PABPC4L: variants seen among roughly 807,000 people sequenced by gnomAD.
PABPC4L encodes polyadenylate-binding protein 4-like.
For missense variants in PABPC4L, 452 were observed against 451.4 expected (o/e 1.00, Z -0.01); for synonymous variants, 169 against 164.1 (o/e 1.03, Z -0.23).
the PABPC4L span, among the ~76,000 whole-genome samples, chr4:134,129,310 C>T: frequency 2.0e-5 from 3 of 151,882 alleles, no homozygotes; most frequent in African/African-American, 7.3e-5. Context: ...TAGACTATAC[C>T]CTAGAACAAA....
the PABPC4L span, among the ~76,000 whole-genome samples, chr4:134,139,341 A>G: frequency 6.6e-6 from 1 of 151,960 alleles, no homozygotes; most frequent in Non-Finnish European, 1.5e-5. Context: ...GATTCGTGAC[A>G]TGAAGCAATG....
chr4:134,092,665 T>C, the PABPC4L span, among the ~76,000 whole-genome samples: 1 of 151,960 alleles, frequency 6.6e-6, no homozygotes, highest in Admixed American at 6.6e-5. Context: ...TGTGGGCCAG[T>C]ACAAGAATGG....
At chr4:134,007,185 A>G in the PABPC4L span, among the ~76,000 whole-genome samples, 2 of 151,862 alleles carry the variant, frequency 1.3e-5, no homozygotes, top group Non-Finnish European at 2.9e-5. Flanking sequence ...AGCATAAGAT[A>G]TGAGTCATCT....
chr4:134,104,137 A>G, the PABPC4L span, among the ~76,000 whole-genome samples: 3 of 151,894 alleles, frequency 2.0e-5, no homozygotes, highest in Middle Eastern at 3.4e-3. Flanking sequence ...AGTATCACCA[A>G]TCAGAATCAA....
chr4:134,076,032 G>A, the PABPC4L span, among the ~76,000 whole-genome samples: 1 of 151,486 alleles, frequency 6.6e-6, no homozygotes. Context: ...AAAAAGAGAA[G>A]TGAGGAATGA....
At chr4:134,050,706 C>CAAAAAAAAAAAAAAAAAAAAAAAAA in the PABPC4L span, among the ~76,000 whole-genome samples, 1 of 82,986 alleles carries the variant, frequency 1.2e-5, no homozygotes, top group Non-Finnish European at 2.2e-5. Context: ...CACCGTCTCC[C>CAAAAAAAAAAAAAAAAAAAAAAAAA]AAAAAAAAAA....
chr4:134,082,446 T>C, the PABPC4L span, among the ~76,000 whole-genome samples: 1 of 152,184 alleles, frequency 6.6e-6, no homozygotes, highest in African/African-American at 2.4e-5. Context: ...AATTTGTTTG[T>C]ATTCTCTGTT....
chr4:134,053,153 A>T, the PABPC4L span, among the ~76,000 whole-genome samples: 19 of 152,152 alleles, frequency 1.2e-4, no homozygotes, highest in African/African-American at 4.6e-4. Context: ...TTGCTCACTT[A>T]GTTCAACATC....
At chr4:134,086,994 T>G in the PABPC4L span, among the ~76,000 whole-genome samples, 1 of 132,768 alleles carries the variant, frequency 7.5e-6, no homozygotes, top group Non-Finnish European at 1.6e-5. Flanking sequence ...GATGTTCCCC[T>G]TCCTGTGTCC....
the PABPC4L span, among the ~76,000 whole-genome samples, chr4:134,132,362 G>A: frequency 1.5e-3 from 230 of 151,692 alleles, 1 homozygote; most frequent in African/African-American, 5.1e-3. Context: ...AAACAAATGA[G>A]CAAGAACAAA....
chr4:134,121,219 A>T, the PABPC4L span, among the ~76,000 whole-genome samples: 2 of 151,348 alleles, frequency 1.3e-5, no homozygotes, highest in Non-Finnish European at 3.0e-5. Context: ...TAAAAAATAT[A>T]TAAATTATAA....
the PABPC4L span, among the ~76,000 whole-genome samples, chr4:134,123,890 T>A: frequency 1.3e-5 from 2 of 151,720 alleles, no homozygotes; most frequent in East Asian, 3.9e-4. Context: ...GAGCTGCAAT[T>A]GAAAAAAAAG....
At chr4:134,104,537 G>A in the PABPC4L span, among the ~76,000 whole-genome samples, 6 of 151,704 alleles carry the variant, frequency 4.0e-5, no homozygotes, top group East Asian at 2.0e-4. Flanking sequence ...ACGTTTCTCC[G>A]AAGCTCAGCA....
the PABPC4L span, among the ~76,000 whole-genome samples, chr4:134,067,544 T>G: frequency 6.6e-6 from 1 of 152,112 alleles, no homozygotes; most frequent in South Asian, 2.1e-4. Context: ...AGCTCTGATT[T>G]TGGTTATTTC....
At chr4:134,134,807 A>T in the PABPC4L span, among the ~76,000 whole-genome samples, 2 of 151,864 alleles carry the variant, frequency 1.3e-5, no homozygotes, top group Non-Finnish European at 2.9e-5. Flanking sequence ...ACAAACAGAA[A>T]GTGGTTCTTT....
At chr4:134,187,766 G>T in the PABPC4L span, among the ~76,000 whole-genome samples, 2 of 152,008 alleles carry the variant, frequency 1.3e-5, no homozygotes, top group African/African-American at 4.8e-5. Flanking sequence ...AGTGCTAGCA[G>T]ATTTCTTCTC....
the PABPC4L span, among the ~76,000 whole-genome samples, chr4:134,100,742 G>A: frequency 1.3e-5 from 2 of 151,534 alleles, no homozygotes; most frequent in African/African-American, 4.8e-5. Context: ...GCAAAACAAA[G>A]CCAAATGTGA....
At chr4:134,106,746 T>C in the PABPC4L span, among the ~76,000 whole-genome samples, 3 of 151,470 alleles carry the variant, frequency 2.0e-5, no homozygotes, top group South Asian at 2.1e-4. Flanking sequence ...TCGCATGCAC[T>C]GAAAAGAAAT....
At chr4:134,172,116 C>T in the PABPC4L span, among the ~76,000 whole-genome samples, 8 of 152,016 alleles carry the variant, frequency 5.3e-5, no homozygotes, top group Middle Eastern at 3.2e-3. Flanking sequence ...CATATCAGTG[C>T]TATTCCTATA....
Sources: allele counts gnomAD v4.1 joint callset (sites outside exome capture counted in the v4.1 genomes callset), GRCh38; gene constraint gnomAD v4.1.1; transcripts MANE v1.5; gene names NCBI Gene and HGNC (gene_info 2026-07-23, HGNC 2026-07-21).